ASB3: variants seen among roughly 807,000 people sequenced by gnomAD.
The protein encoded by ASB3 is ankyrin repeat and SOCS box containing 3.
Under a neutral mutation model 54.5 loss-of-function variants are expected in ASB3, and 41 were observed. That is an observed-to-expected ratio of 0.75 (90% CI 0.59 to 0.98). The LOEUF is 0.98. Ranked by LOEUF, ASB3 falls within the 50% of genes least tolerant of loss-of-function variation. The pLI, the probability that ASB3 is intolerant of heterozygous loss-of-function variation, is 0.00. For missense variants in ASB3, 733 were observed against 620.0 expected (o/e 1.18, Z -1.94); for synonymous variants, 266 against 221.2 (o/e 1.20, Z -1.80).
chr2:53,701,885 C>T (rs767803336), intron 7 of ASB3, among the ~76,000 whole-genome samples: 140 of 152,226 alleles, frequency 9.2e-4, no homozygotes, highest in Admixed American at 2.6e-3. Flanking sequence ...AAGTTCTATC[C>T]TATGTTTCTG....
intron 3 of ASB3, among the ~76,000 whole-genome samples, chr2:53,744,193 G>A (rs890697660): frequency 2.0e-5 from 3 of 151,684 alleles, no homozygotes; most frequent in Admixed American, 1.3e-4. Flanking sequence ...TGGCTAACAC[G>A]GTGAAACCTC....
chr2:53,702,960 A>T (rs1169096683), intron 7 of ASB3, among the ~76,000 whole-genome samples: 6 of 152,230 alleles, frequency 3.9e-5, no homozygotes, highest in African/African-American at 1.4e-4. Flanking sequence ...CAAGATGAAG[A>T]CATTCAGTTT....
At chr2:53,687,763 G>C (rs557747300) in intron 9 of ASB3, among the ~76,000 whole-genome samples, 1 of 152,228 alleles carries the variant, frequency 6.6e-6, no homozygotes, top group Non-Finnish European at 1.5e-5. Flanking sequence ...TTGCACCATA[G>C]ATCACTCATA....
chr2:53,733,247 G>A (rs747043502), intron 3 of ASB3, among the ~76,000 whole-genome samples: 31 of 152,172 alleles, frequency 2.0e-4, no homozygotes, highest in Non-Finnish European at 3.4e-4. Flanking sequence ...ATACATGTCA[G>A]CAACAGCAAA....
At chr2:53,778,698 G>A (rs1047051775) in intron 1 of ASB3, among the ~76,000 whole-genome samples, 3 of 152,132 alleles carry the variant, frequency 2.0e-5, no homozygotes, top group Admixed American at 1.3e-4. Flanking sequence ...CATCCATGTC[G>A]TCACAAATGA....
intron 3 of ASB3, among the ~76,000 whole-genome samples, chr2:53,744,878 T>C (rs1672142061): frequency 1.3e-5 from 2 of 152,320 alleles, no homozygotes; most frequent in African/African-American, 4.8e-5. Flanking sequence ...AATATTGAAA[T>C]AGGCAGCCTC....
At chr2:53,770,599 T>C (rs1170914796) in intron 1 of ASB3, among the ~76,000 whole-genome samples, 1 of 152,024 alleles carries the variant, frequency 6.6e-6, no homozygotes, top group Non-Finnish European at 1.5e-5. Context: ...TCTCTAAGGC[T>C]TTCCATTTAT....
intron 8 of ASB3, chr2:53,694,468 C>T (rs1572856267): frequency 1.3e-5 from 2 of 153,130 alleles, no homozygotes; most frequent in Middle Eastern, 3.4e-3. Flanking sequence ...TTGTTTCTGC[C>T]CAACTCCCAG....
intron 1 of ASB3, among the ~76,000 whole-genome samples, chr2:53,785,037 CCTTCTTT>C (rs1310967983): frequency 2.6e-5 from 4 of 152,218 alleles, no homozygotes; most frequent in Non-Finnish European, 2.9e-5. Context: ...GCCACACTGG[CCTTCTTT>C]CTATCACTCC....
At chr2:53,731,698 G>T (rs1013335064) in intron 3 of ASB3, among the ~76,000 whole-genome samples, 3 of 152,174 alleles carry the variant, frequency 2.0e-5, no homozygotes, top group African/African-American at 7.2e-5. Flanking sequence ...TGTCGCCCAG[G>T]CTGGAATGCA....
chr2:53,723,855 C>T (rs1419862575), intron 5 of ASB3, among the ~76,000 whole-genome samples: 5 of 152,036 alleles, frequency 3.3e-5, no homozygotes, highest in African/African-American at 4.8e-5. Context: ...ATTCAATAAA[C>T]GGTGCTAGTA....
At chr2:53,747,831 C>CT (rs1410396188) in intron 3 of ASB3, among the ~76,000 whole-genome samples, 1 of 152,166 alleles carries the variant, frequency 6.6e-6, no homozygotes, top group Non-Finnish European at 1.5e-5. Context: ...TCAGTGGATA[C>CT]TTCAGACAGG....
At chr2:53,719,841 C>T (rs1223396486) in intron 5 of ASB3, among the ~76,000 whole-genome samples, 1 of 152,060 alleles carries the variant, frequency 6.6e-6, no homozygotes, top group African/African-American at 2.4e-5. Flanking sequence ...GGGGGAGGAT[C>T]GCTTGAGCTC....
At chr2:53,726,840 C>G (rs977651312) in intron 5 of ASB3, among the ~76,000 whole-genome samples, 1 of 151,876 alleles carries the variant, frequency 6.6e-6, no homozygotes, top group Non-Finnish European at 1.5e-5. Flanking sequence ...CGGACAGGTG[C>G]GTGCCACCAC....
At chr2:53,727,187 T>C (rs1671050149) in intron 5 of ASB3, among the ~76,000 whole-genome samples, 1 of 152,198 alleles carries the variant, frequency 6.6e-6, no homozygotes, top group South Asian at 2.1e-4. Context: ...TTTGAACAGA[T>C]AATTTTGGGG....
chr2:53,780,075 T>C (rs1366580547), intron 1 of ASB3, among the ~76,000 whole-genome samples: 1 of 152,198 alleles, frequency 6.6e-6, no homozygotes, highest in Non-Finnish European at 1.5e-5. Flanking sequence ...TTGTTTCCAA[T>C]CTCTTTTCCT....
intron 4 of ASB3, 147 bp from the exon 5 acceptor site, chr2:53,728,994 T>G (rs1222614544): frequency 2.2e-6 from 2 of 915,588 alleles, no homozygotes; most frequent in African/African-American, 3.3e-5. Context: ...GCTGTATTAG[T>G]TGGAAAGAAA....
chr2:53,709,086 G>A (rs761117668), intron 7 of ASB3, among the ~76,000 whole-genome samples: 1 of 152,230 alleles, frequency 6.6e-6, no homozygotes, highest in Non-Finnish European at 1.5e-5. Context: ...GGTGGTGGAA[G>A]GCCTCAAAGG....
intron 9 of ASB3, among the ~76,000 whole-genome samples, chr2:53,683,679 T>C (rs1312009969): frequency 6.6e-6 from 1 of 152,192 alleles, no homozygotes; most frequent in Non-Finnish European, 1.5e-5. Context: ...GCTCAGGTTT[T>C]GGACTTCTTC....
Sources: gnomAD v4.1 joint callset for allele counts (sites outside exome capture counted in the v4.1 genomes callset) on GRCh38, gnomAD v4.1.1 for gene constraint, MANE v1.5 for transcripts, NCBI Gene and HGNC (gene_info 2026-07-23, HGNC 2026-07-21) for gene names.